Variants in TMEM163 observed in about 807,000 individuals in gnomAD.
The protein encoded by TMEM163 is transmembrane protein 163.
A neutral mutation model predicts 29.3 loss-of-function variants in TMEM163; 17 were observed. The observed-to-expected ratio is 0.58, with a 90% CI of 0.40 to 0.87. The LOEUF (loss-of-function observed/expected upper bound fraction) is 0.87, where lower values mean the gene tolerates loss of function less well. Ranked by LOEUF, TMEM163 falls within the 40% of genes least tolerant of loss-of-function variation. The pLI, the probability that TMEM163 is intolerant of heterozygous loss-of-function variation, is 0.00. For synonymous variants in TMEM163, 157 were observed against 160.6 expected, an observed-to-expected ratio of 0.98 and a Z score of 0.17; for missense variants, 303 against 381.5, an observed-to-expected ratio of 0.79 and a Z score of 1.71.
intron 2 of TMEM163, among the ~76,000 whole-genome samples, chr2:134,571,321 C>T (rs560809233): frequency 6.6e-5 from 10 of 152,244 alleles, no homozygotes; most frequent in South Asian, 4.1e-4. Flanking sequence ...CAATCAAAAG[C>T]GTTTATCTAA....
chr2:134,620,460 T>C (rs147010344), intron 2 of TMEM163, among the ~76,000 whole-genome samples: 1 of 152,148 alleles, frequency 6.6e-6, no homozygotes, highest in Non-Finnish European at 1.5e-5. Context: ...TTTCTCCATG[T>C]TGATCAGGCT....
intron 2 of TMEM163, among the ~76,000 whole-genome samples, chr2:134,663,418 C>CA (rs915704364): frequency 6.6e-6 from 1 of 151,854 alleles, no homozygotes; most frequent in Admixed American, 6.6e-5. Flanking sequence ...TTGCTACTTC[C>CA]AAAAAAAATC....
At chr2:134,465,962 T>C in intron 6 of TMEM163, 152 bp downstream of exon 6, 1 of 588,132 alleles carries the variant, frequency 1.7e-6, no homozygotes, top group African/African-American at 1.9e-5. Flanking sequence ...GCTCTGAGAA[T>C]CATTAAACAA....
At chr2:134,538,608 A>G (rs1348441732) in intron 4 of TMEM163, among the ~76,000 whole-genome samples, 1 of 141,870 alleles carries the variant, frequency 7.0e-6, no homozygotes, top group African/African-American at 2.5e-5. Context: ...TATCCATACA[A>G]TGGAACATGA....
intron 4 of TMEM163, among the ~76,000 whole-genome samples, chr2:134,524,352 A>C (rs1680248540): frequency 7.4e-6 from 1 of 134,414 alleles, no homozygotes; most frequent in Non-Finnish European, 1.6e-5. Context: ...ATAACATTTA[A>C]TGCTGTAATT....
chr2:134,674,490 C>T lies in TMEM163; in HGVS notation c.322+38710G>A, dbSNP rs1465489250. ...TCCCAAGTAGCTGGGACTACAGGCG[C>T]GCGCGCGCGCGCGCGCGCGCTACCA... On this transcript the variant is annotated intron_variant, in intron 2 of 7. Transcript: ENST00000281924. Among the ~76,000 whole-genome samples the T allele has an allele frequency of 9.9e-5, 8 of 80,604 alleles. No homozygotes were observed. The South Asian group carries it at 1.5e-3, about 16-fold the overall frequency. 52.9% of individuals were successfully genotyped at this position (80,604 alleles called of 152,430 possible).
At chr2:134,553,958 C>T (rs569206675) in intron 2 of TMEM163, among the ~76,000 whole-genome samples, 12 of 152,338 alleles carry the variant, frequency 7.9e-5, no homozygotes, top group African/African-American at 2.9e-4. Flanking sequence ...TAACTGTTAA[C>T]TAAGCGTAAC....
At chr2:134,647,815 G>A (rs1361841686) in intron 2 of TMEM163, among the ~76,000 whole-genome samples, 1 of 152,176 alleles carries the variant, frequency 6.6e-6, no homozygotes, top group African/African-American at 2.4e-5. Context: ...CCCTCACAGA[G>A]CGGGGAGCAC....
At chr2:134,565,153 G>A (rs575837580) in intron 2 of TMEM163, among the ~76,000 whole-genome samples, 22 of 152,068 alleles carry the variant, frequency 1.4e-4, no homozygotes, top group African/African-American at 5.3e-4. Context: ...CACACGAATC[G>A]ATTGAACCCA....
intron 4 of TMEM163, among the ~76,000 whole-genome samples, chr2:134,542,089 G>A (rs1680687464): frequency 6.6e-6 from 1 of 152,106 alleles, no homozygotes; most frequent in Non-Finnish European, 1.5e-5. Context: ...GTGTATGTCT[G>A]GGTTTTCTTA....
chr2:134,536,207 T>C (rs1219817556), intron 4 of TMEM163, among the ~76,000 whole-genome samples: 1 of 143,742 alleles, frequency 7.0e-6, no homozygotes, highest in Non-Finnish European at 1.5e-5. Context: ...ACATTATGTA[T>C]AGCAAAAACA....
In TMEM163 at chr2:134,458,123, C is replaced by A; in HGVS notation, c.718G>T (p.Ala240Ser). The A allele has an allele frequency of 6.2e-7, 1 of 1,614,126 alleles. No homozygotes were observed. Among genetic ancestry groups the A allele is most frequent in the Non-Finnish European group, 8.5e-7 (1 of 1,180,020 alleles). ...GCCGAGTCATGCTTGAACACTTCCG[C>A]GCTCAGAAGAATGGAGAAGCCCATC... ...GVMGFSILLS[A>S]EVFKHDSAVW... The change falls in exon 7 of 8, where the codon GCG becomes TCG. Residue 240 changes from alanine (A) to serine (S), a missense_variant. This residue lies in a region of TMEM163 where 203 missense variants were observed against 294.3 expected (regional missense o/e 0.69). Transcript: ENST00000281924.
chr2:134,643,317 T>C (rs1164241921), intron 2 of TMEM163, among the ~76,000 whole-genome samples: 1 of 152,136 alleles, frequency 6.6e-6, no homozygotes, highest in East Asian at 1.9e-4. Context: ...ACTCTAACTG[T>C]TATAGAAATA....
At chr2:134,524,122 C>G (rs1357235259) in intron 4 of TMEM163, among the ~76,000 whole-genome samples, 1 of 152,204 alleles carries the variant, frequency 6.6e-6, no homozygotes, top group Non-Finnish European at 1.5e-5. Flanking sequence ...TCAGGACCTT[C>G]CCCAGACTTC....
intron 2 of TMEM163, among the ~76,000 whole-genome samples, chr2:134,656,376 A>G (rs1375752848): frequency 1.3e-5 from 2 of 151,508 alleles, no homozygotes; most frequent in Admixed American, 1.3e-4. Context: ...CGCGCTTCCC[A>G]GGTGAGGCAA....
intron 5 of TMEM163, 26 bp from the exon 6 acceptor site, chr2:134,466,251 A>G: frequency 6.3e-7 from 1 of 1,580,760 alleles, no homozygotes; most frequent in Non-Finnish European, 8.7e-7. Flanking sequence ...CCAGATTTCA[A>G]CAGTTCACCT....
At chr2:134,651,582 C>T (rs1683480205) in intron 2 of TMEM163, among the ~76,000 whole-genome samples, 1 of 126,142 alleles carries the variant, frequency 7.9e-6, no homozygotes, top group Non-Finnish European at 1.6e-5. Context: ...GCTTTTGTTG[C>T]CATTGCTTTT....
intron 4 of TMEM163, among the ~76,000 whole-genome samples, chr2:134,546,309 T>C (rs1680782825): frequency 1.3e-5 from 2 of 152,154 alleles, no homozygotes; most frequent in African/African-American, 2.4e-5. Flanking sequence ...GATGGATGAA[T>C]GGATAAACAA....
chr2:134,516,665 A>G (rs991329421), intron 4 of TMEM163, among the ~76,000 whole-genome samples: 5 of 147,350 alleles, frequency 3.4e-5, no homozygotes, highest in Admixed American at 1.4e-4. Context: ...ATATATTCAT[A>G]CATATAGTCA....
Sources: gnomAD v4.1 joint callset for allele counts (sites outside exome capture counted in the v4.1 genomes callset) on GRCh38, gnomAD v4.1.1 for gene constraint, gnomAD v4.1.1 regional missense constraint, MANE v1.5 for transcripts, NCBI Gene and HGNC (gene_info 2026-07-23, HGNC 2026-07-21) for gene names.